FBXL7: variants seen among roughly 807,000 people sequenced by gnomAD.
FBXL7 encodes the protein F-box/LRR-repeat protein 7.
Under a neutral mutation model 38.3 loss-of-function variants are expected in FBXL7, and 12 were observed. The observed-to-expected ratio is 0.31, with a 90% CI of 0.20 to 0.51. The LOEUF (loss-of-function observed/expected upper bound fraction) is 0.51, where lower values mean the gene tolerates loss of function less well. Ranked by LOEUF, FBXL7 falls within the 20% of genes least tolerant of loss-of-function variation. The pLI is 0.98. For synonymous variants in FBXL7, 297 were observed against 300.9 expected (o/e 0.99, Z 0.13); for missense variants, 567 against 676.4 (o/e 0.84, Z 1.79).
At chr5:15,654,865 A>C (rs531175230) in intron 2 of FBXL7, among the ~76,000 whole-genome samples, 6 of 152,352 alleles carry the variant, frequency 3.9e-5, no homozygotes, top group African/African-American at 1.4e-4. Flanking sequence ...TTATATATAC[A>C]TGTGGGTTCT....
intron 2 of FBXL7, among the ~76,000 whole-genome samples, chr5:15,711,179 G>A (rs1236990783): frequency 6.6e-6 from 1 of 152,156 alleles, no homozygotes; most frequent in African/African-American, 2.4e-5. Context: ...GAATTGCCCA[G>A]TCTCTGGTAT....
At chr5:15,755,470 T>A (rs1423203462) in intron 2 of FBXL7, among the ~76,000 whole-genome samples, 1 of 152,184 alleles carries the variant, frequency 6.6e-6, no homozygotes, top group Non-Finnish European at 1.5e-5. Flanking sequence ...TATACAGATA[T>A]AAATTGTGTT....
intron 2 of FBXL7, among the ~76,000 whole-genome samples, chr5:15,743,451 C>G (rs1300249411): frequency 2.0e-5 from 3 of 152,194 alleles, no homozygotes; most frequent in Non-Finnish European, 4.4e-5. Context: ...GACTCCATGT[C>G]TCATATCCAG....
At chr5:15,748,429 A>G (rs879517527) in intron 2 of FBXL7, among the ~76,000 whole-genome samples, 4 of 152,212 alleles carry the variant, frequency 2.6e-5, no homozygotes, top group African/African-American at 9.6e-5. Flanking sequence ...AGGTGGAGAT[A>G]ATTGAATCAT....
At chr5:15,733,243 C>A (rs1735659638) in intron 2 of FBXL7, among the ~76,000 whole-genome samples, 1 of 152,128 alleles carries the variant, frequency 6.6e-6, no homozygotes, top group Non-Finnish European at 1.5e-5. Flanking sequence ...CAGGCACCCG[C>A]CACCACGCCC....
rs754686344 is a variant in FBXL7, at chr5:15,936,968, C to A, written c.1258C>A (p.Leu420Met). Residue 420 changes from leucine (L) to methionine (M), a missense_variant, in exon 4 of 4, where the codon CTG (leucine) becomes ATG (methionine). Transcript: ENST00000504595. This position sits in a 1 kb window ranked among gnomAD's most constrained non-coding sequence, Gnocchi z 6.0. ...GKCPLVSDTGLECLALNCFNL... is the reference protein window; with the variant it reads ...GKCPLVSDTGMECLALNCFNL... ...ATGCCCTTTGGTATCCGACACGGGC[C>A]TGGAGTGCCTGGCCCTGAACTGCTT... is the stretch of plus-strand genomic sequence containing the variant. The A allele has an allele frequency of 6.2e-7, 1 of 1,614,042 alleles. No individual in the cohort carries two copies. The highest frequency in any genetic ancestry group is 8.5e-7 in the Non-Finnish European group (1 of 1,179,894).
intron 2 of FBXL7, among the ~76,000 whole-genome samples, chr5:15,861,011 A>G (rs573784650): frequency 6.6e-6 from 1 of 152,316 alleles, no homozygotes; most frequent in Admixed American, 6.5e-5. Flanking sequence ...ATGTGCTTCA[A>G]GATAATATTT....
chr5:15,785,239 C>G (rs1737104579), intron 2 of FBXL7, among the ~76,000 whole-genome samples: 1 of 152,182 alleles, frequency 6.6e-6, no homozygotes, highest in Non-Finnish European at 1.5e-5. Flanking sequence ...CGAGGCAACA[C>G]AGGAAGCGAG....
At position 15,914,234 on chromosome 5, in the gene FBXL7, A is replaced by T. The variant is rs187955057; in HGVS notation, c.128-13656A>T. ...ACCCTGTCTCTACTAAACATACAAA[A>T]AATTAGTCGGGCGTGGTGGCGGGTG... On this transcript the variant is annotated intron_variant, in intron 2 of 3. Transcript: ENST00000504595. Among the ~76,000 whole-genome samples the T allele has an allele frequency of 5.1e-4, 77 of 151,946 alleles. 1 individual carries two copies. Among genetic ancestry groups the T allele is most frequent in the African/African-American group, 1.9e-3 (77 of 41,434 alleles).
intron 2 of FBXL7, among the ~76,000 whole-genome samples, chr5:15,842,586 A>T (rs1257760904): frequency 6.6e-6 from 1 of 152,056 alleles, no homozygotes; most frequent in Non-Finnish European, 1.5e-5. Flanking sequence ...TATGGTTTGG[A>T]TGTGTCCCCA....
chr5:15,728,874 C>T (rs1389521691), intron 2 of FBXL7, among the ~76,000 whole-genome samples: 1 of 152,112 alleles, frequency 6.6e-6, no homozygotes, highest in East Asian at 1.9e-4. Context: ...ACTTTTCTTG[C>T]AGGACTTTTC....
intron 2 of FBXL7, among the ~76,000 whole-genome samples, chr5:15,698,101 G>A (rs1202870953): frequency 6.6e-6 from 1 of 152,156 alleles, no homozygotes; most frequent in Non-Finnish European, 1.5e-5. Context: ...AGCACAGGGA[G>A]TATGAGCATA....
intron 1 of FBXL7, among the ~76,000 whole-genome samples, chr5:15,610,467 G>A (rs1740195171): frequency 1.3e-5 from 2 of 152,186 alleles, no homozygotes; most frequent in Non-Finnish European, 2.9e-5. Context: ...AATGTAGGCA[G>A]TTCCTTCCTG....
chr5:15,671,207 T>C (rs745939542), intron 2 of FBXL7, among the ~76,000 whole-genome samples: 1 of 152,186 alleles, frequency 6.6e-6, no homozygotes, highest in African/African-American at 2.4e-5. Context: ...ACTCTATATT[T>C]TGTCTGCTTT....
chr5:15,657,914 G>A (rs1369387854), intron 2 of FBXL7, among the ~76,000 whole-genome samples: 1 of 151,978 alleles, frequency 6.6e-6, no homozygotes, highest in Non-Finnish European at 1.5e-5. Context: ...CCCTTCATAT[G>A]CTTGGAGAAT....
intron 2 of FBXL7, among the ~76,000 whole-genome samples, chr5:15,694,289 TC>T (rs1380293807): frequency 6.6e-6 from 1 of 152,196 alleles, no homozygotes; most frequent in Non-Finnish European, 1.5e-5. Flanking sequence ...TTTTGACTTT[TC>T]ATAAACTTAC....
Position 15,795,856 on chromosome 5 carries a change from C to T in FBXL7, c.128-132034C>T, listed in dbSNP as rs189794488. Among the ~76,000 whole-genome samples the T allele has an allele frequency of 2.1e-3, 323 of 152,306 alleles. 2 individuals are homozygous for T. The highest frequency in any genetic ancestry group is 4.1e-3 in the Non-Finnish European group (278 of 68,022). The stretch of plus-strand genomic sequence containing the variant: ...ATCTCATTGATTTCAGAGGCACACT[C>T]ATCCGATTGCCACTATAAATATAAC... On this transcript the variant is annotated intron_variant, in intron 2 of 3. Coordinates refer to ENST00000504595, the MANE Select transcript of FBXL7 (RefSeq NM_012304.5).
chr5:15,744,835 C>T (rs576533842), intron 2 of FBXL7, among the ~76,000 whole-genome samples: 157 of 152,212 alleles, frequency 1.0e-3, no homozygotes, highest in African/African-American at 3.7e-3. Flanking sequence ...GGGATGCAAA[C>T]ATGCCCTTCT....
chr5:15,926,169 G>C (rs1020297201), intron 2 of FBXL7, among the ~76,000 whole-genome samples: 9 of 151,868 alleles, frequency 5.9e-5, no homozygotes, highest in African/African-American at 1.9e-4. Context: ...TCATGTGTGT[G>C]GGTATATGTA....
Sources: allele counts gnomAD v4.1 joint callset (sites outside exome capture counted in the v4.1 genomes callset), GRCh38; gene constraint gnomAD v4.1.1; non-coding constraint Gnocchi (gnomAD v3.1); transcripts MANE v1.5; gene names NCBI Gene and HGNC (gene_info 2026-07-23, HGNC 2026-07-21).